The following MMRN1 variants were observed in gnomAD, a reference collection of about 807,000 sequenced individuals.
MMRN1 encodes multimerin 1.
MMRN1 carries 94 observed loss-of-function variants against 100.7 expected under a neutral mutation model. The observed-to-expected ratio is 0.93, with a 90% CI of 0.79 to 1.11. The LOEUF (loss-of-function observed/expected upper bound fraction) is 1.11. Among genes scored for constraint, MMRN1 ranks in the 50% least tolerant of loss-of-function variants. The probability of loss-of-function intolerance (pLI) is 0.00; values close to 1 mark genes in which losing one functional copy is unlikely to be tolerated. For synonymous variants in MMRN1, 575 were observed against 505.0 expected (o/e 1.14, Z -1.86); for missense variants, 1,606 against 1,439.1 (o/e 1.12, Z -1.88).
chr4:89,931,124 A>C (rs1255673704), intron 5 of MMRN1, among the ~76,000 whole-genome samples: 1 of 152,160 alleles, frequency 6.6e-6, no homozygotes, highest in African/African-American at 2.4e-5. Context: ...CACTAAGTTT[A>C]TAAAAAGTAA....
chr4:89,929,373 A>G (rs1722365885), intron 5 of MMRN1, among the ~76,000 whole-genome samples: 1 of 152,154 alleles, frequency 6.6e-6, no homozygotes, highest in South Asian at 2.1e-4. Flanking sequence ...TTTTAATCAT[A>G]TAAATAATTG....
At chr4:89,889,610 G>A (rs907376443) in intron 1 of MMRN1, among the ~76,000 whole-genome samples, 2 of 152,074 alleles carry the variant, frequency 1.3e-5, no homozygotes, top group African/African-American at 4.8e-5. Flanking sequence ...ATTGTTCACT[G>A]TATTCCCGAG....
intron 3 of MMRN1, among the ~76,000 whole-genome samples, chr4:89,913,255 CT>C: frequency 6.6e-6 from 1 of 151,418 alleles, no homozygotes; most frequent in Non-Finnish European, 1.5e-5. Flanking sequence ...CTGTATTTCT[CT>C]TCTTCTACAA....
upstream of MMRN1, among the ~76,000 whole-genome samples, chr4:89,893,749 G>A (rs1392952940): frequency 2.6e-5 from 4 of 152,016 alleles, no homozygotes; most frequent in Non-Finnish European, 5.9e-5. Context: ...GCTTTGCACA[G>A]AATGAGGGGT....
intron 5 of MMRN1, among the ~76,000 whole-genome samples, chr4:89,931,927 A>T (rs1722452459): frequency 6.6e-6 from 1 of 152,138 alleles, no homozygotes; most frequent in African/African-American, 2.4e-5. Context: ...CTCACATTTC[A>T]AAACCAATCA....
At chr4:89,897,467 C>T (rs993324130) in intron 1 of MMRN1, among the ~76,000 whole-genome samples, 4 of 152,052 alleles carry the variant, frequency 2.6e-5, no homozygotes, top group Non-Finnish European at 5.9e-5. Flanking sequence ...CTCAGCCTCC[C>T]AAAGTGCTGG....
At chr4:89,926,687 C>G (rs923343834) in intron 4 of MMRN1, among the ~76,000 whole-genome samples, 1 of 152,044 alleles carries the variant, frequency 6.6e-6, no homozygotes, top group Non-Finnish European at 1.5e-5. Flanking sequence ...TGGGGTATTA[C>G]TCAAGAAATT....
At chr4:89,910,636 T>A (rs952080115) in intron 2 of MMRN1, among the ~76,000 whole-genome samples, 9 of 151,426 alleles carry the variant, frequency 5.9e-5, no homozygotes, top group African/African-American at 2.2e-4. Context: ...CTATATACAG[T>A]CCCTTTCCAA....
At chr4:89,904,209 A>G (rs959687007) in intron 1 of MMRN1, among the ~76,000 whole-genome samples, 11 of 151,718 alleles carry the variant, frequency 7.3e-5, no homozygotes, top group Middle Eastern at 3.2e-3. Context: ...AGAGATATGC[A>G]AAATTATTAT....
intron 6 of MMRN1, among the ~76,000 whole-genome samples, chr4:89,938,020 A>T (rs1050539508): frequency 6.6e-6 from 1 of 152,040 alleles, no homozygotes; most frequent in African/African-American, 2.4e-5. Context: ...TTTTTCTCAT[A>T]TGAGTCTGCT....
In MMRN1 at chr4:89,935,726, T is replaced by C. The variant is rs751365703; in HGVS notation, c.2046T>C (p.Thr682=). ...TAAGGAAAAAGATAGAAAATCTGAC[T>C]AGTGCTGTCAATAGTCTAAATTTTA... The part of the protein sequence containing the change: ...IVIRKKIENL[T]SAVNSLNFII... The change falls in exon 6 of 8, where the codon ACT becomes ACC. Residue 682 remains threonine (T), a synonymous_variant. Coordinates refer to ENST00000264790, the MANE Select transcript of MMRN1 (RefSeq NM_007351.3). 2 of 1,611,798 alleles carry C rather than the reference T, an allele frequency of 1.2e-6. No homozygotes were observed. Among genetic ancestry groups the C allele is most frequent in the Middle Eastern group, 1.7e-4 (1 of 6,042 alleles).
At chr4:89,914,773 G>A (rs968849978) in intron 3 of MMRN1, among the ~76,000 whole-genome samples, 2 of 151,394 alleles carry the variant, frequency 1.3e-5, no homozygotes, top group Admixed American at 1.3e-4. Context: ...TATAAAATTT[G>A]CAATAATGCT....
rs115078287 is a variant in MMRN1, at chr4:89,900,548, T to C, written c.623+4954T>C. Among the ~76,000 whole-genome samples the C allele has an allele frequency of 9.7e-3, 1,477 of 152,188 alleles. 26 individuals carry two copies. The highest frequency in any genetic ancestry group is 0.033 in the African/African-American group (1,359 of 41,544). ...CCTTTATTTTTTTCTTTGTAGGAAT[T>C]ATTTGAAATTATTCTACTTATATAG... On this transcript the variant is annotated intron_variant, in intron 1 of 7. Coordinates refer to ENST00000264790, the MANE Select transcript of MMRN1 (RefSeq NM_007351.3).
intron 6 of MMRN1, among the ~76,000 whole-genome samples, chr4:89,944,782 G>A (rs1722936296): frequency 1.3e-5 from 2 of 152,162 alleles, no homozygotes; most frequent in Admixed American, 1.3e-4. Flanking sequence ...AAGGTGGGAT[G>A]ATGAACTACA....
At chr4:89,913,495 A>C (rs1307090010) in intron 3 of MMRN1, among the ~76,000 whole-genome samples, 1 of 151,356 alleles carries the variant, frequency 6.6e-6, no homozygotes, top group Non-Finnish European at 1.5e-5. Flanking sequence ...ACTATGGTGG[A>C]CTACATACAT....
At position 89,919,807 on chromosome 4, in the gene MMRN1, T is replaced by G. The variant is rs188366235; in HGVS notation, c.851-3361T>G. ...GTTTCTTTTTCAGTGTCTTTGATAA[T>G]TTACTATAAACTTCTGGACCATAAT... On this transcript the variant is annotated intron_variant, in intron 3 of 7. Coordinates refer to ENST00000264790, the MANE Select transcript of MMRN1 (RefSeq NM_007351.3). Among the ~76,000 whole-genome samples, 4 of 152,234 alleles carry G rather than the reference T, an allele frequency of 2.6e-5. No homozygotes were observed. In the East Asian group the frequency reaches 7.7e-4, roughly 29 times the overall value.
chr4:89,883,965 T>C (rs1017277176), intron 1 of MMRN1, among the ~76,000 whole-genome samples: 14 of 152,238 alleles, frequency 9.2e-5, no homozygotes, highest in South Asian at 2.1e-4. Context: ...ATTCACGTAT[T>C]TGTTCCAGTA....
chr4:89,911,066 A>G (rs1553922906), intron 2 of MMRN1, among the ~76,000 whole-genome samples: 1 of 151,406 alleles, frequency 6.6e-6, no homozygotes, highest in Non-Finnish European at 1.5e-5. Flanking sequence ...ATTCCTCGTC[A>G]GGAAATGAGG....
chr4:89,914,604 A>G (rs923474848), intron 3 of MMRN1, among the ~76,000 whole-genome samples: 10 of 151,470 alleles, frequency 6.6e-5, no homozygotes, highest in Non-Finnish European at 1.5e-4. Flanking sequence ...TTGTTATGTC[A>G]TTTTCTCTTT....
Sources: allele counts gnomAD v4.1 joint callset (sites outside exome capture counted in the v4.1 genomes callset), GRCh38; gene constraint gnomAD v4.1.1; transcripts MANE v1.5; gene names NCBI Gene and HGNC (gene_info 2026-07-23, HGNC 2026-07-21).